The following DSE variants were observed in gnomAD, a reference collection of about 807,000 sequenced individuals.
DSE encodes the protein dermatan sulfate epimerase.
Under a neutral mutation model 84.4 loss-of-function variants are expected in DSE, and 36 were observed. That is an observed-to-expected ratio of 0.43 (90% CI 0.33 to 0.56). The LOEUF is 0.56. Ranked by LOEUF, DSE falls within the 20% of genes least tolerant of loss-of-function variation. The pLI, the probability that DSE is intolerant of heterozygous loss-of-function variation, is 0.06. For missense variants in DSE, 862 were observed against 1,169.6 expected, an observed-to-expected ratio of 0.74 and a Z score of 3.84; for synonymous variants, 410 against 430.1, an observed-to-expected ratio of 0.95 and a Z score of 0.58.
At chr6:116,315,573 GT>G (rs1232749431) in intron 2 of DSE, among the ~76,000 whole-genome samples, 1 of 152,080 alleles carries the variant, frequency 6.6e-6, no homozygotes, top group Non-Finnish European at 1.5e-5. Flanking sequence ...TTGGGAATTG[GT>G]CCCAGGTTGT....
intron 2 of DSE, among the ~76,000 whole-genome samples, chr6:116,311,103 A>G (rs1775670438): frequency 1.3e-5 from 2 of 152,292 alleles, no homozygotes; most frequent in East Asian, 3.9e-4. Flanking sequence ...TTGCTCTCAC[A>G]TCATTCATAT....
intron 2 of DSE, among the ~76,000 whole-genome samples, chr6:116,411,637 AAAT>A (rs1354068279): frequency 6.6e-6 from 1 of 152,234 alleles, no homozygotes; most frequent in Non-Finnish European, 1.5e-5. Flanking sequence ...AGATAAGAAT[AAAT>A]AAAATCTGTA....
chr6:116,325,393 T>C (rs1381372389), intron 2 of DSE, among the ~76,000 whole-genome samples: 1 of 152,238 alleles, frequency 6.6e-6, no homozygotes, highest in Non-Finnish European at 1.5e-5. Context: ...ATCAGCTCTT[T>C]AGTTCTTGAG....
chr6:116,436,065 G>C lies in DSE; in HGVS notation c.1597G>C (p.Gly533Arg), dbSNP rs759377172. 1.2e-6 allele frequency: 2 copies of C among 1,613,978 alleles called. No individual in the cohort carries two copies. Among genetic ancestry groups the C allele is most frequent in the Non-Finnish European group, 8.5e-7 (1 of 1,180,022 alleles). Reference protein sequence around the residue: ...GRVVAAEEKNGVVFIRGEGVG... With the variant: ...GRVVAAEEKNRVVFIRGEGVG... The stretch of plus-strand genomic sequence containing the variant: ...GGTGGTTGCAGCAGAGGAGAAAAAT[G>C]GGGTGGTTTTCATCCGAGGAGAAGG... The change falls in exon 6 of 6, where the codon GGG (glycine) becomes CGG (arginine). Residue 533 changes from glycine (G) to arginine (R), a missense_variant. This residue lies in a region of DSE where 186 missense variants were observed against 255.1 expected (regional missense o/e 0.73). Transcript: ENST00000644252.
chr6:116,308,034 G>A (rs1007180164), intron 2 of DSE, among the ~76,000 whole-genome samples: 4 of 152,046 alleles, frequency 2.6e-5, no homozygotes, highest in African/African-American at 4.8e-5. Context: ...ACAATTTATG[G>A]TAACTGCAGA....
At chr6:116,295,303 G>A (rs1411708809) in intron 2 of DSE, among the ~76,000 whole-genome samples, 3 of 152,066 alleles carry the variant, frequency 2.0e-5, no homozygotes, top group Non-Finnish European at 4.4e-5. Context: ...AGGAAGGAAG[G>A]CTTGAATGTG....
In DSE at chr6:116,399,192, A is replaced by T. The variant is rs770006734; in HGVS notation, c.-53-6A>T. ...AGACACTTTTTTTCCTTTTTATCTCACGTAGGATCTTTCGAAGATGGTTTG... is the reference window on the plus strand; with the variant it reads ...AGACACTTTTTTTCCTTTTTATCTCTCGTAGGATCTTTCGAAGATGGTTTG... On this transcript the variant is annotated splice_region_variant and splice_polypyrimidine_tract_variant and intron_variant, in intron 1 of 5. Transcript: ENST00000644252. The T allele has an allele frequency of 6.2e-7, 1 of 1,606,928 alleles. No homozygotes were observed. Among genetic ancestry groups the T allele is most frequent in the Non-Finnish European group, 8.5e-7 (1 of 1,178,990 alleles).
chr6:116,389,955 T>TA (rs1205878694), intron 1 of DSE, among the ~76,000 whole-genome samples: 20 of 150,246 alleles, frequency 1.3e-4, no homozygotes, highest in Admixed American at 4.0e-4. Flanking sequence ...TACAGTTTTT[T>TA]AAAAAAAAAA....
At chr6:116,429,382 G>C (rs73767768) in intron 3 of DSE, among the ~76,000 whole-genome samples, 5 of 152,164 alleles carry the variant, frequency 3.3e-5, no homozygotes, top group Non-Finnish European at 7.4e-5. Context: ...CCATGGTAGC[G>C]TGGTCAACAT....
chr6:116,337,782 C>G (rs187978602), intron 2 of DSE, among the ~76,000 whole-genome samples: 1 of 144,620 alleles, frequency 6.9e-6, no homozygotes, highest in Non-Finnish European at 1.5e-5. Context: ...AGATATGTTA[C>G]AGTAAAATGA....
At chr6:116,281,747 A>G (rs919507528) in intron 2 of DSE, among the ~76,000 whole-genome samples, 1 of 152,232 alleles carries the variant, frequency 6.6e-6, no homozygotes, top group African/African-American at 2.4e-5. Context: ...TAAAATGTTA[A>G]ATAAAGGAGC....
In DSE at chr6:116,435,504, G is replaced by A. The variant is rs479454; in HGVS notation, c.1119-83G>A. 520,351 of 1,362,758 alleles carry A rather than the reference G, an allele frequency of 0.38. 101,934 individuals are homozygous for A. Among genetic ancestry groups the A allele is most frequent in the Middle Eastern group, 0.43 (1,599 of 3,758 alleles). 84.4% of individuals were successfully genotyped at this position (1,362,758 alleles called of 1,614,324 possible). ...TGCCAGTGCTCTGGGTAGCATTTGTGTGTCGCATCTTCCACATTACCATGT... is the reference window on the plus strand; with the variant it reads ...TGCCAGTGCTCTGGGTAGCATTTGTATGTCGCATCTTCCACATTACCATGT... On this transcript the variant is annotated intron_variant, in intron 5 of 5. Transcript: ENST00000644252.
chr6:116,281,445 G>A (rs1773525232), intron 2 of DSE, among the ~76,000 whole-genome samples: 1 of 152,200 alleles, frequency 6.6e-6, no homozygotes, highest in Non-Finnish European at 1.5e-5. Flanking sequence ...AGGTTTGGTT[G>A]CATCTATGGG....
intron 2 of DSE, among the ~76,000 whole-genome samples, chr6:116,334,280 A>C (rs1309732592): frequency 6.6e-6 from 1 of 152,088 alleles, no homozygotes; most frequent in Non-Finnish European, 1.5e-5. Flanking sequence ...GCTTGAAATC[A>C]CTCTGCTACC....
chr6:116,254,789 TATCTC>T (rs1772075705), intron 1 of DSE: 1 of 152,562 alleles, frequency 6.6e-6, no homozygotes, highest in African/African-American at 2.4e-5. Context: ...CTGAAAGAAA[TATCTC>T]AGGGGATTTT....
chr6:116,291,050 T>G (rs1018330098), intron 2 of DSE, among the ~76,000 whole-genome samples: 1 of 152,128 alleles, frequency 6.6e-6, no homozygotes, highest in Admixed American at 6.5e-5. Flanking sequence ...CTCTCTAAAT[T>G]CAAAACATTT....
chr6:116,261,130 C>T (rs1772394365), intron 2 of DSE, among the ~76,000 whole-genome samples: 1 of 152,026 alleles, frequency 6.6e-6, no homozygotes, highest in African/African-American at 2.4e-5. Flanking sequence ...AATGTTTTTC[C>T]TTTATGCATC....
intron 2 of DSE, among the ~76,000 whole-genome samples, chr6:116,273,696 C>A (rs953758979): frequency 2.4e-4 from 37 of 152,114 alleles, no homozygotes; most frequent in African/African-American, 8.5e-4. Context: ...ACGGTACCCC[C>A]CTCAATGAGC....
intron 2 of DSE, among the ~76,000 whole-genome samples, chr6:116,283,915 A>G (rs1315551308): frequency 6.6e-6 from 1 of 152,234 alleles, no homozygotes; most frequent in Non-Finnish European, 1.5e-5. Context: ...TACAAAAACA[A>G]CAGTGTATCT....
Sources: allele counts gnomAD v4.1 joint callset (sites outside exome capture counted in the v4.1 genomes callset), GRCh38; gene constraint gnomAD v4.1.1; regional missense constraint gnomAD v4.1.1; transcripts MANE v1.5; gene names NCBI Gene and HGNC (gene_info 2026-07-23, HGNC 2026-07-21).